Variants in DENND5A observed in about 807,000 individuals in gnomAD.
DENND5A encodes the protein DENN domain-containing protein 5A.
In DENND5A, 64 loss-of-function variants were observed where a neutral mutation model predicts 140.3. That is an observed-to-expected ratio of 0.46 (90% CI 0.37 to 0.56). The LOEUF is 0.56. Ranked by LOEUF, DENND5A falls within the 20% of genes least tolerant of loss-of-function variation. The pLI, the probability that DENND5A is intolerant of heterozygous loss-of-function variation, is 0.00. For missense variants in DENND5A, 1,292 were observed against 1,593.8 expected (o/e 0.81, Z 3.22); for synonymous variants, 605 against 607.7 (o/e 1.00, Z 0.07).
At position 9,170,646 on chromosome 11, in the gene DENND5A, T is replaced by G; in HGVS notation, c.2038A>C (p.Thr680Pro). 2 of 1,613,612 alleles carry G rather than the reference T, an allele frequency of 1.2e-6. No individual in the cohort carries two copies. Among genetic ancestry groups the G allele is most frequent in the Non-Finnish European group, 1.7e-6 (2 of 1,179,912 alleles). ...ACTCACTTGTTGCTGGCTGGCCCAG[T>G]GGAAAGTACATCAGACTGCAGCTTA... ...FPKLQSDVLS[T>P]GPASNKWTKR... Residue 680 changes from threonine (T) to proline (P), a missense_variant, in exon 9 of 23, where the codon ACT becomes CCT. Transcript: ENST00000328194.
At chr11:9,196,201 C>T (rs922326282) in intron 4 of DENND5A, among the ~76,000 whole-genome samples, 1 of 152,178 alleles carries the variant, frequency 6.6e-6, no homozygotes, top group African/African-American at 2.4e-5. Context: ...GATCCACCCA[C>T]CTCGGCCTCC....
At chr11:9,192,623 G>A (rs1331709093) in intron 5 of DENND5A, among the ~76,000 whole-genome samples, 5 of 140,870 alleles carry the variant, frequency 3.5e-5, no homozygotes, top group Non-Finnish European at 7.7e-5. Context: ...GCGAGACTTC[G>A]TCTCAAAAAA....
At chr11:9,252,350 G>A (rs1851765365) in intron 1 of DENND5A, among the ~76,000 whole-genome samples, 1 of 142,956 alleles carries the variant, frequency 7.0e-6, no homozygotes, top group African/African-American at 2.6e-5. Flanking sequence ...AATAGCCTGT[G>A]TTTAATTACT....
intron 12 of DENND5A, among the ~76,000 whole-genome samples, chr11:9,160,038 C>A (rs530847996): frequency 4.2e-4 from 64 of 152,316 alleles, no homozygotes; most frequent in Non-Finnish European, 8.2e-4. Flanking sequence ...CTAGTGCCTA[C>A]AACAGTACCT....
chr11:9,174,920 C>T (rs1039747744), intron 8 of DENND5A, among the ~76,000 whole-genome samples: 1 of 151,658 alleles, frequency 6.6e-6, no homozygotes, highest in Admixed American at 6.6e-5. Context: ...TTCTATTTGA[C>T]TTCGTACTAG....
At chr11:9,195,104 C>T (rs530914415) in intron 4 of DENND5A, among the ~76,000 whole-genome samples, 3 of 130,460 alleles carry the variant, frequency 2.3e-5, no homozygotes, top group African/African-American at 5.8e-5. Context: ...TTTTTTTTGA[C>T]GGAGTTTTGC....
rs942386493 is a variant in DENND5A at position 9,162,638 on chromosome 11, G to A, written c.2284-1773C>T. ...CTCTAGAAGTGACCACTTACCCAAC[G>A]AAACTACAGAAAAGCAAGAAAATTA... On this transcript the variant is annotated intron_variant, in intron 11 of 22. Transcript: ENST00000328194. Among the ~76,000 whole-genome samples, 53 of 151,976 alleles carry A rather than the reference G, an allele frequency of 3.5e-4. 2 individuals are homozygous for A. The highest frequency in any genetic ancestry group is 6.6e-5 in the Admixed American group (1 of 15,248).
chr11:9,194,430 G>A (rs1564908348), intron 4 of DENND5A, among the ~76,000 whole-genome samples: 5 of 151,932 alleles, frequency 3.3e-5, no homozygotes, highest in Admixed American at 2.0e-4. Context: ...TTAGCCGGGC[G>A]TGGTGGCATG....
At position 9,169,937 on chromosome 11, in the gene DENND5A, C is replaced by T. The variant is rs1848317927; in HGVS notation, c.2070G>A (p.Arg690=). The change falls in exon 10 of 23, where the codon AGG becomes AGA. Residue 690 remains arginine (R), a synonymous_variant. Transcript: ENST00000328194. Reference sequence around the variant, plus strand: ...TCCGCCTCCACTGGGCAGGGGCATTCCTTTTCGTCCACCTAACACAATCAG... The same window carrying T: ...TCCGCCTCCACTGGGCAGGGGCATTTCTTTTCGTCCACCTAACACAATCAG... The part of the protein sequence containing the change: ...TGPASNKWTK[R]NAPAQWRRKD... 1 of 1,612,912 alleles carries T rather than the reference C, an allele frequency of 6.2e-7. No homozygotes were observed. The highest frequency in any genetic ancestry group is 1.7e-5 in the Admixed American group (1 of 59,986).
chr11:9,165,936 C>T lies in DENND5A; in HGVS notation c.2183G>A (p.Ser728Asn), dbSNP rs1468521496. ...KYIQEARTMG[S>N]TIRQPKLSNL... ...GGACAGTTTGGGCTGGCGGATAGTG[C>T]TGCCCATAGTCCTGGCTTCCTGGAT... The change falls in exon 11 of 23, where the codon AGC (serine) becomes AAC (asparagine). Residue 728 changes from serine (S) to asparagine (N), a missense_variant. By Grantham distance (46) the Ser-to-Asn change is conservative. This residue lies in a region of DENND5A where 199 missense variants were observed against 189.1 expected (regional missense o/e 1.05). Coordinates refer to ENST00000328194, the MANE Select transcript of DENND5A (RefSeq NM_015213.4). 6.2e-7 allele frequency: 1 copy of T among 1,614,056 alleles called. No individual in the cohort carries two copies. The highest frequency in any genetic ancestry group is 1.1e-5 in the South Asian group (1 of 91,090).
At chr11:9,210,533 A>G (rs1293159690) in intron 1 of DENND5A, among the ~76,000 whole-genome samples, 6 of 152,000 alleles carry the variant, frequency 3.9e-5, no homozygotes, top group African/African-American at 1.5e-4. Context: ...AGCCAGAAAT[A>G]AATCGACATT....
chr11:9,182,242 G>C (rs1034730233), intron 5 of DENND5A, among the ~76,000 whole-genome samples: 2 of 152,050 alleles, frequency 1.3e-5, no homozygotes, highest in Non-Finnish European at 2.9e-5. Flanking sequence ...CTTGAACCCA[G>C]GAGGCAGAGG....
chr11:9,255,548 A>G (rs1361746977), intron 1 of DENND5A, among the ~76,000 whole-genome samples: 1 of 151,964 alleles, frequency 6.6e-6, no homozygotes. Context: ...CCTGGCCAAC[A>G]TGGTAAAACC....
At chr11:9,241,546 T>C (rs184048744) in intron 1 of DENND5A, among the ~76,000 whole-genome samples, 112 of 152,306 alleles carry the variant, frequency 7.4e-4, no homozygotes, top group African/African-American at 2.5e-3. Flanking sequence ...CTCAGTAACA[T>C]TGTAAACAAT....
chr11:9,256,002 A>G (rs1473586140), intron 1 of DENND5A, among the ~76,000 whole-genome samples: 1 of 150,840 alleles, frequency 6.6e-6, no homozygotes, highest in Non-Finnish European at 1.5e-5. Flanking sequence ...CCCCAGCGTG[A>G]GCAACACGGC....
chr11:9,153,467 C>A (rs1847701897), intron 12 of DENND5A, among the ~76,000 whole-genome samples: 1 of 151,588 alleles, frequency 6.6e-6, no homozygotes, highest in Non-Finnish European at 1.5e-5. Flanking sequence ...TATAAGCTTC[C>A]ATCTTAGCTC....
chr11:9,206,387 A>G (rs571462534), intron 3 of DENND5A, among the ~76,000 whole-genome samples: 53 of 152,318 alleles, frequency 3.5e-4, no homozygotes, highest in African/African-American at 1.2e-3. Context: ...TATAATCTCA[A>G]TGCAATAAAT....
At chr11:9,194,185 T>TTTAATGATACGGCGA in intron 4 of DENND5A, among the ~76,000 whole-genome samples, 1 of 152,170 alleles carries the variant, frequency 6.6e-6, no homozygotes, top group Non-Finnish European at 1.5e-5. Context: ...AAGCTGGTTT[T>TTTAATGATACGGCGA]CCACACTAGC....
At chr11:9,242,388 T>G (rs1230442364) in intron 1 of DENND5A, 2 of 152,236 alleles carry the variant, frequency 1.3e-5, no homozygotes, top group African/African-American at 4.8e-5. Flanking sequence ...TTTATCACAG[T>G]GCATTGTCAT....
Sources: allele counts gnomAD v4.1 joint callset (sites outside exome capture counted in the v4.1 genomes callset), GRCh38; gene constraint gnomAD v4.1.1; regional missense constraint gnomAD v4.1.1; transcripts MANE v1.5; gene names NCBI Gene and HGNC (gene_info 2026-07-23, HGNC 2026-07-21).